The following PDE4D variants were observed in gnomAD, a reference collection of about 807,000 sequenced individuals.
The protein encoded by PDE4D is phosphodiesterase 4D.
PDE4D carries 24 observed loss-of-function variants against 87.4 expected under a neutral mutation model. The ratio of observed to expected loss-of-function variants is 0.27; its 90% confidence interval spans 0.20 to 0.39. The LOEUF is 0.39. Ranked by LOEUF, PDE4D falls within the 10% of genes least tolerant of loss-of-function variation. The pLI, the probability that PDE4D is intolerant of heterozygous loss-of-function variation, is 1.00. For synonymous variants in PDE4D, 384 were observed against 383.2 expected (o/e 1.00, Z -0.02); for missense variants, 714 against 1,041.0 (o/e 0.69, Z 4.32).
intron 1 of PDE4D, among the ~76,000 whole-genome samples, chr5:59,366,765 C>G (rs1392158487): frequency 6.6e-6 from 1 of 151,782 alleles, no homozygotes; most frequent in Non-Finnish European, 1.5e-5. Flanking sequence ...TTGTACTTTT[C>G]TATAAATGAA....
Position 58,989,766 on chromosome 5 carries a change from GTGTAGATAATA to G in PDE4D, c.1430_1440del (p.Leu477ProfsTer23). The G allele has an allele frequency of 6.3e-7, 1 of 1,599,990 alleles. No homozygotes were observed. Among genetic ancestry groups the G allele is most frequent in the Non-Finnish European group, 8.5e-7 (1 of 1,174,570 alleles). ...AGAAACAGATTTACCTCCAAAGCAG[GTGTAGATAATA>G]GCACATGAGTAGACTGGACAACATC... On this transcript the variant is annotated frameshift_variant, in exon 10 of 15. Transcript: ENST00000340635. LOFTEE classifies it high-confidence loss of function.
chr5:60,480,994 T>C (rs1042516896), intron 1 of PDE4D, among the ~76,000 whole-genome samples: 3 of 152,206 alleles, frequency 2.0e-5, no homozygotes, highest in Non-Finnish European at 2.9e-5. Flanking sequence ...AAATTCTTTT[T>C]AGGCATTCCT....
At chr5:59,826,706 C>T (rs1177864914) in intron 1 of PDE4D, among the ~76,000 whole-genome samples, 2 of 152,082 alleles carry the variant, frequency 1.3e-5, no homozygotes, top group Admixed American at 1.3e-4. Flanking sequence ...CTTAACACAG[C>T]AGTCAATTCC....
chr5:59,435,752 G>C (rs1796720839), intron 1 of PDE4D, among the ~76,000 whole-genome samples: 1 of 152,176 alleles, frequency 6.6e-6, no homozygotes, highest in Non-Finnish European at 1.5e-5. Context: ...ATGCTCCAAA[G>C]AACTGTCCAA....
chr5:60,044,018 T>G (rs892022139), intron 2 of PDE4D, among the ~76,000 whole-genome samples: 1 of 152,156 alleles, frequency 6.6e-6, no homozygotes, highest in Admixed American at 6.5e-5. Flanking sequence ...AAATTTCTTC[T>G]CTTCTGTAGC....
intron 1 of PDE4D, among the ~76,000 whole-genome samples, chr5:60,381,356 A>C (rs371955000): frequency 1.3e-5 from 2 of 152,156 alleles, no homozygotes; most frequent in African/African-American, 4.8e-5. Context: ...ACTGGAAAAA[A>C]ACTTTTAGAA....
intron 1 of PDE4D, among the ~76,000 whole-genome samples, chr5:60,315,914 G>A (rs563020568): frequency 6.6e-6 from 1 of 152,240 alleles, no homozygotes; most frequent in South Asian, 2.1e-4. Context: ...TTGAAGTCAG[G>A]TAGCGTGATG....
rs757673423 is a variant in PDE4D at position 60,278,792 on chromosome 5, CT to C, written c.-89-93106del. On this transcript the variant is annotated intron_variant, in intron 1 of 16. Coordinates refer to the PDE4D transcript ENST00000502484. ...TCTCTTTCCTTGTTCAGGTTCTCTA[CT>C]TTTTCATTCATTCTAAAGGTGTTCA... Among the ~76,000 whole-genome samples the C allele has an allele frequency of 7.9e-5, 12 of 152,136 alleles. No individual in the cohort carries two copies. In the Middle Eastern group the frequency reaches 0.01, roughly 129 times the overall value.
At chr5:60,242,142 G>T (rs1182602097) in intron 1 of PDE4D, among the ~76,000 whole-genome samples, 1 of 151,956 alleles carries the variant, frequency 6.6e-6, no homozygotes, top group Non-Finnish European at 1.5e-5. Flanking sequence ...GGTGGAAAAA[G>T]ATATTCCATG....
chr5:59,002,486 T>TG (rs1750735864), intron 6 of PDE4D, among the ~76,000 whole-genome samples: 1 of 150,802 alleles, frequency 6.6e-6, no homozygotes, highest in African/African-American at 2.4e-5. Flanking sequence ...GCCATTAGGT[T>TG]GAAAAAAAAA....
chr5:60,026,720 G>A (rs1766666739), intron 2 of PDE4D, among the ~76,000 whole-genome samples: 1 of 152,064 alleles, frequency 6.6e-6, no homozygotes, highest in African/African-American at 2.4e-5. Flanking sequence ...CACACCCTAG[G>A]CAGAGGAATC....
At chr5:60,303,348 G>A (rs1367680629) in intron 1 of PDE4D, among the ~76,000 whole-genome samples, 2 of 134,322 alleles carry the variant, frequency 1.5e-5, no homozygotes, top group East Asian at 2.1e-4. Context: ...TCCCTCTGTC[G>A]CCCAGGCTGG....
intron 1 of PDE4D, chr5:59,528,847 T>C (rs2153678365): frequency 3.4e-6 from 1 of 290,442 alleles, no homozygotes. Flanking sequence ...GGCAGTTGTG[T>C]GCTGGGTCAC....
chr5:59,550,950 C>A (rs1054211561), intron 1 of PDE4D, among the ~76,000 whole-genome samples: 1 of 152,132 alleles, frequency 6.6e-6, no homozygotes, highest in Non-Finnish European at 1.5e-5. Context: ...CCTGCCCCAG[C>A]CTCCCAAAGT....
At chr5:60,209,518 A>G (rs1387361567) in intron 1 of PDE4D, among the ~76,000 whole-genome samples, 1 of 152,202 alleles carries the variant, frequency 6.6e-6, no homozygotes, top group Non-Finnish European at 1.5e-5. Flanking sequence ...AAAATAGAGG[A>G]AGAATCAATA....
At chr5:59,310,181 G>T (rs1254132685) in intron 1 of PDE4D, among the ~76,000 whole-genome samples, 8 of 152,122 alleles carry the variant, frequency 5.3e-5, no homozygotes, top group Non-Finnish European at 1.2e-4. Flanking sequence ...TTCAAAGACT[G>T]GAGACCTTCA....
Position 59,200,036 on chromosome 5 carries a change from C to T in PDE4D, c.648-6500G>A, listed in dbSNP as rs538304624. ...ATACATGCACATATACATACATGCA[C>T]ACACACGTATGTACACACATGCATG... On this transcript the variant is annotated intron_variant, in intron 2 of 14. Coordinates refer to ENST00000340635, the MANE Select transcript of PDE4D (RefSeq NM_001104631.2). Among the ~76,000 whole-genome samples the T allele has an allele frequency of 2.9e-5, 3 of 104,842 alleles. No homozygotes were observed. In the South Asian group the frequency reaches 9.1e-4, roughly 32 times the overall value. 68.8% of individuals were successfully genotyped at this position (104,842 alleles called of 152,430 possible).
chr5:60,429,855 T>G (rs968104626), intron 1 of PDE4D: 14 of 343,616 alleles, frequency 4.1e-5, no homozygotes, highest in East Asian at 7.7e-5. Context: ...TTTGTTTTTT[T>G]TTTTAAACAA....
chr5:60,223,430 G>A (rs1203051726), intron 1 of PDE4D, among the ~76,000 whole-genome samples: 1 of 152,058 alleles, frequency 6.6e-6, no homozygotes, highest in Admixed American at 6.5e-5. Context: ...GAGGGCATGG[G>A]ACACCACAAG....
Sources: gnomAD v4.1 joint callset for allele counts (sites outside exome capture counted in the v4.1 genomes callset) on GRCh38, gnomAD v4.1.1 for gene constraint, MANE v1.5 for transcripts, NCBI Gene and HGNC (gene_info 2026-07-23, HGNC 2026-07-21) for gene names.